SUCLG2: variants seen among roughly 807,000 people sequenced by gnomAD.
SUCLG2 encodes the protein succinate-CoA ligase GDP-forming subunit beta.
In SUCLG2, 42 loss-of-function variants were observed where a neutral mutation model predicts 47.9. The ratio of observed to expected loss-of-function variants is 0.88; its 90% CI spans 0.69 to 1.14. The LOEUF is 1.14. SUCLG2 is among the 50% of genes most tolerant of loss of function. SUCLG2 has a pLI of 0.00. For synonymous variants in SUCLG2, 195 were observed against 197.3 expected, an observed-to-expected ratio of 0.99 and a Z score of 0.10; for missense variants, 571 against 525.9, an observed-to-expected ratio of 1.09 and a Z score of -0.84.
rs1298766179 is a variant in SUCLG2 at position 67,531,578 on chromosome 3, C to CA, written c.227-2393dup. On this transcript the variant is annotated intron_variant, in intron 2 of 10. Transcript: ENST00000307227. ...TCCATGCAAAACAGTGTTGGTAGAA[C>CA]AAGCAACCAGTTCAGAGACTATGAA... 9.9e-5 allele frequency among the ~76,000 whole-genome samples: 15 copies of CA among 152,144 alleles called. 1 individual carries two copies. Among genetic ancestry groups the CA allele is most frequent in the Admixed American group, 9.8e-4 (15 of 15,258 alleles).
In SUCLG2 at chr3:67,537,693, T is replaced by C. The variant is rs541866165; in HGVS notation, c.227-8507A>G. Among the ~76,000 whole-genome samples the C allele has an allele frequency of 2.6e-5, 4 of 152,324 alleles. No homozygotes were observed. The South Asian group carries it at 8.3e-4, about 32-fold the overall frequency. Reference sequence around the variant, plus strand: ...CTAATTTACACTCCCATCAACAGTGTAGAAGTGTTCCTATTTCTCCACATC... The same window carrying C: ...CTAATTTACACTCCCATCAACAGTGCAGAAGTGTTCCTATTTCTCCACATC... On this transcript the variant is annotated intron_variant, in intron 2 of 10. Transcript: ENST00000307227.
At chr3:67,450,110 T>C (rs1054939372) in intron 9 of SUCLG2, among the ~76,000 whole-genome samples, 11 of 152,180 alleles carry the variant, frequency 7.2e-5, no homozygotes, top group Non-Finnish European at 5.9e-5. Flanking sequence ...GGCATAATCA[T>C]AGCTTACTGC....
At chr3:67,601,909 G>A (rs1708427703) in intron 2 of SUCLG2, among the ~76,000 whole-genome samples, 1 of 152,096 alleles carries the variant, frequency 6.6e-6, no homozygotes, top group African/African-American at 2.4e-5. Context: ...CTGAACCTGG[G>A]AGGCAGAGAT....
Position 67,511,429 on chromosome 3 carries a change from G to A in SUCLG2, c.661-2526C>T, listed in dbSNP as rs113961052. Among the ~76,000 whole-genome samples the A allele has an allele frequency of 4.0e-3, 609 of 152,232 alleles. 9 individuals carry two copies. The highest frequency in any genetic ancestry group is 0.014 in the African/African-American group (567 of 41,528). On this transcript the variant is annotated intron_variant, in intron 6 of 10. Coordinates refer to ENST00000307227, the MANE Select transcript of SUCLG2 (RefSeq NM_003848.4). ...TGGGAGGTAACTGAATCATGGGGAC[G>A]GGATTTTCCCATGCTGTTCTCATGA...
At chr3:67,419,239 G>C (rs1014750575) in intron 9 of SUCLG2, among the ~76,000 whole-genome samples, 4 of 152,158 alleles carry the variant, frequency 2.6e-5, no homozygotes, top group Admixed American at 1.3e-4. Context: ...AATCATGTCT[G>C]TAATTTTCTG....
At chr3:67,398,352 T>C (rs1333747744) in intron 10 of SUCLG2, among the ~76,000 whole-genome samples, 1 of 150,638 alleles carries the variant, frequency 6.6e-6, no homozygotes, top group Non-Finnish European at 1.5e-5. Flanking sequence ...CATCAAAAAG[T>C]GGGTAAAGGA....
At chr3:67,640,708 C>T (rs1484421757) in intron 1 of SUCLG2, among the ~76,000 whole-genome samples, 1 of 152,308 alleles carries the variant, frequency 6.6e-6, no homozygotes, top group Non-Finnish European at 1.5e-5. Flanking sequence ...TCAACTACTG[C>T]TATTACTCCT....
intron 2 of SUCLG2, among the ~76,000 whole-genome samples, chr3:67,540,978 A>G (rs1324982806): frequency 6.6e-6 from 1 of 152,234 alleles, no homozygotes; most frequent in Admixed American, 6.5e-5. Flanking sequence ...CTGTTAGAAG[A>G]AAAACTAACA....
chr3:67,446,664 C>T (rs7632835), intron 9 of SUCLG2, among the ~76,000 whole-genome samples: 83,321 of 150,262 alleles, frequency 0.55, 23,453 homozygotes, highest in Non-Finnish European at 0.61. Context: ...GAACTCCTGA[C>T]GTTGTGATGT....
chr3:67,379,684 C>T (rs1281326949), intron 10 of SUCLG2, among the ~76,000 whole-genome samples: 1 of 152,234 alleles, frequency 6.6e-6, no homozygotes, highest in Non-Finnish European at 1.5e-5. Context: ...GGCCACTGCC[C>T]TTGCTGGGCT....
At chr3:67,578,810 T>C (rs1707810187) in intron 2 of SUCLG2, among the ~76,000 whole-genome samples, 1 of 152,258 alleles carries the variant, frequency 6.6e-6, no homozygotes, top group Non-Finnish European at 1.5e-5. Context: ...AGTCAAACAT[T>C]AGCGGGAACA....
intron 9 of SUCLG2, among the ~76,000 whole-genome samples, chr3:67,440,072 C>T (rs1050045043): frequency 3.9e-5 from 6 of 151,936 alleles, no homozygotes; most frequent in East Asian, 1.9e-4. Context: ...TCAGAAATAA[C>T]GCCACACATC....
intron 9 of SUCLG2, among the ~76,000 whole-genome samples, chr3:67,470,793 C>T (rs541270655): frequency 3.9e-5 from 6 of 152,256 alleles, no homozygotes; most frequent in East Asian, 1.9e-4. Context: ...TTGTTATAGC[C>T]GCAGAAAATG....
chr3:67,436,814 T>A (rs1020648881), intron 9 of SUCLG2, among the ~76,000 whole-genome samples: 12 of 152,212 alleles, frequency 7.9e-5, no homozygotes, highest in Non-Finnish European at 1.5e-4. Flanking sequence ...TTTGTAGGTA[T>A]TTAAATACAA....
intron 9 of SUCLG2, among the ~76,000 whole-genome samples, chr3:67,417,699 G>A (rs1240712038): frequency 1.3e-5 from 2 of 152,104 alleles, no homozygotes; most frequent in Non-Finnish European, 2.9e-5. Context: ...CCACAGATGT[G>A]TACTCTTTCC....
chr3:67,516,860 T>C (rs569269683), intron 6 of SUCLG2, among the ~76,000 whole-genome samples: 2 of 152,316 alleles, frequency 1.3e-5, no homozygotes, highest in East Asian at 1.9e-4. Context: ...AGTGGCTGTA[T>C]GGAAAACGGG....
intron 9 of SUCLG2, among the ~76,000 whole-genome samples, chr3:67,410,580 T>A (rs1702912905): frequency 6.6e-6 from 1 of 152,132 alleles, no homozygotes; most frequent in Admixed American, 6.6e-5. Context: ...CATTTGGACA[T>A]TTAGAATGGC....
Position 67,394,168 on chromosome 3 carries a change from C to T in SUCLG2, c.1183+6563G>A, listed in dbSNP as rs547169732. Reference sequence around the variant, plus strand: ...TCACCAGCAACAGAACAAAGCTGGACGGAGAATGACTTTGACGAGTTGAGA... The same window carrying T: ...TCACCAGCAACAGAACAAAGCTGGATGGAGAATGACTTTGACGAGTTGAGA... On this transcript the variant is annotated intron_variant, in intron 10 of 10. Transcript: ENST00000307227. 2.6e-4 allele frequency among the ~76,000 whole-genome samples: 40 copies of T among 152,152 alleles called. No individual in the cohort carries two copies. In the East Asian group the frequency reaches 5.2e-3, roughly 20 times the overall value.
chr3:67,436,217 G>A (rs967500511), intron 9 of SUCLG2, among the ~76,000 whole-genome samples: 2 of 152,146 alleles, frequency 1.3e-5, no homozygotes, highest in Non-Finnish European at 2.9e-5. Flanking sequence ...TGAATGAGCA[G>A]GAAAACAAAA....
Sources: allele counts gnomAD v4.1 joint callset (sites outside exome capture counted in the v4.1 genomes callset), GRCh38; gene constraint gnomAD v4.1.1; transcripts MANE v1.5; gene names NCBI Gene and HGNC (gene_info 2026-07-23, HGNC 2026-07-21).